Variants in KCNK2 observed in about 807,000 individuals in gnomAD.
KCNK2 encodes potassium channel subfamily K member 2.
In KCNK2, 21 loss-of-function variants were observed where a neutral mutation model predicts 40.5. The ratio of observed to expected loss-of-function variants is 0.52; its 90% confidence interval spans 0.37 to 0.75. The LOEUF (loss-of-function observed/expected upper bound fraction) is 0.75. Ranked by LOEUF, KCNK2 falls within the 30% of genes least tolerant of loss-of-function variation. The probability of loss-of-function intolerance (pLI) is 0.00; values close to 1 mark genes in which losing one functional copy is unlikely to be tolerated. For synonymous variants in KCNK2, 191 were observed against 202.2 expected (o/e 0.94, Z 0.47); for missense variants, 399 against 531.6 (o/e 0.75, Z 2.45).
intron 1 of KCNK2, 152 bp downstream of exon 1, chr1:215,083,583 G>A: frequency 6.1e-6 from 4 of 652,752 alleles, no homozygotes; most frequent in Admixed American, 2.3e-5. Context: ...TCTGGATTTG[G>A]AGGCAAACCC....
intron 6 of KCNK2, among the ~76,000 whole-genome samples, chr1:215,228,453 T>C (rs4387152): frequency 0.98 from 148,753 of 152,278 alleles, 72,755 homozygotes; most frequent in East Asian, 1. Context: ...CATTTCCTTC[T>C]TTTTCTTCTG....
chr1:215,093,719 TA>T (rs1406101656), intron 2 of KCNK2, among the ~76,000 whole-genome samples: 14 of 90,390 alleles, frequency 1.5e-4, no homozygotes, highest in Admixed American at 7.5e-4. Context: ...ATATATTATA[TA>T]AAAATATATA....
chr1:215,197,351 T>G (rs975507590), intron 6 of KCNK2, among the ~76,000 whole-genome samples: 2 of 152,130 alleles, frequency 1.3e-5, no homozygotes, highest in African/African-American at 2.4e-5. Context: ...TCCAAGAAGG[T>G]GCTAGCAGGG....
At position 215,083,204 on chromosome 1, in the gene KCNK2, G is replaced by A; in HGVS notation, c.-182G>A. ...CGTTTCTTCTCACGCTCCCCCCCCCGCCCCCTCCCGCGTCCAGCCCCGCTC... is the reference window on the plus strand; with the variant it reads ...CGTTTCTTCTCACGCTCCCCCCCCCACCCCCTCCCGCGTCCAGCCCCGCTC... On this transcript the variant is annotated 5_prime_UTR_variant, in exon 1 of 7. Coordinates refer to ENST00000444842, the MANE Select transcript of KCNK2 (RefSeq NM_001017425.3). 14 of 273,540 alleles carry A rather than the reference G, an allele frequency of 5.1e-5. No homozygotes were observed. The highest frequency in any genetic ancestry group is 8.6e-5 in the South Asian group (2 of 23,220). 16.9% of individuals were successfully genotyped at this position (273,540 alleles called of 1,614,324 possible). A position where few individuals can be genotyped will look rare whatever the true frequency, so the allele number is the denominator to read the frequency against.
At chr1:215,201,180 G>T (rs1665066497) in intron 6 of KCNK2, among the ~76,000 whole-genome samples, 1 of 152,184 alleles carries the variant, frequency 6.6e-6, no homozygotes, top group Non-Finnish European at 1.5e-5. Context: ...GGTTGGGTCT[G>T]TTGGAAAGGC....
At chr1:215,138,246 C>G (rs763311379) in intron 3 of KCNK2, among the ~76,000 whole-genome samples, 5 of 152,058 alleles carry the variant, frequency 3.3e-5, no homozygotes, top group Non-Finnish European at 7.4e-5. Flanking sequence ...GTTATAGTGT[C>G]AGATATTTTC....
rs538559125 is a variant in KCNK2 at position 215,057,269 on chromosome 1, TA to T, written c.35-29098del. Among the ~76,000 whole-genome samples the T allele has an allele frequency of 1.0e-3, 155 of 151,944 alleles. 1 individual carries two copies. The highest frequency in any genetic ancestry group is 3.7e-3 in the African/African-American group (153 of 41,460). ...GCATAAAAGAGTTATAGGATAATCATATTTTTTTAAAAAAGATGCAAAATGA... is the reference window on the plus strand; with the variant it reads ...GCATAAAAGAGTTATAGGATAATCATTTTTTTTAAAAAAGATGCAAAATGA... On this transcript the variant is annotated intron_variant, in intron 1 of 6. Transcript: ENST00000391895.
chr1:215,110,064 A>C (rs1382479717), intron 2 of KCNK2, among the ~76,000 whole-genome samples: 1 of 151,244 alleles, frequency 6.6e-6, no homozygotes, highest in Non-Finnish European at 1.5e-5. Flanking sequence ...TTTTAATGGG[A>C]TTATTTAGTG....
intron 6 of KCNK2, among the ~76,000 whole-genome samples, chr1:215,231,691 T>A (rs1384222929): frequency 2.0e-5 from 3 of 151,978 alleles, no homozygotes; most frequent in African/African-American, 7.2e-5. Flanking sequence ...GTCTGCAAAA[T>A]CAGAAAATAT....
chr1:215,008,616 CTTT>C lies in KCNK2; in HGVS notation c.34+2664_34+2666del, dbSNP rs548668920. The stretch of plus-strand genomic sequence containing the variant: ...GATTAAATGAGATAATTAATGTCAA[CTTT>C]TTGGTAGATAGTAAGCATGCGATAA... On this transcript the variant is annotated intron_variant, in intron 1 of 6. Transcript: ENST00000391895. 2.3e-3 allele frequency among the ~76,000 whole-genome samples: 350 copies of C among 152,230 alleles called. 1 individual carries two copies. The highest frequency in any genetic ancestry group is 8.2e-3 in the African/African-American group (342 of 41,542).
intron 1 of KCNK2, among the ~76,000 whole-genome samples, chr1:215,056,774 G>C (rs570944184): frequency 1.3e-5 from 2 of 151,998 alleles, no homozygotes; most frequent in South Asian, 4.2e-4. Flanking sequence ...TATTTTCGAG[G>C]CAGGATGTAC....
intron 5 of KCNK2, among the ~76,000 whole-genome samples, chr1:215,186,331 C>T (rs1664438541): frequency 6.6e-6 from 1 of 151,824 alleles, no homozygotes; most frequent in Admixed American, 6.6e-5. Flanking sequence ...GGAGGTCTTG[C>T]TGCGGTGGGC....
At chr1:215,086,757 G>A in intron 2 of KCNK2, 79 bp downstream of exon 2, 2 of 1,309,410 alleles carry the variant, frequency 1.5e-6, no homozygotes, top group South Asian at 1.3e-5. Flanking sequence ...TTGTAGCCCA[G>A]TGTATTACAG....
intron 1 of KCNK2, among the ~76,000 whole-genome samples, chr1:215,064,925 A>G (rs940070009): frequency 6.6e-6 from 1 of 152,102 alleles, no homozygotes; most frequent in African/African-American, 2.4e-5. Flanking sequence ...GTGGGATGTC[A>G]CAGTATTGTG....
chr1:215,215,350 G>T (rs1430394293), intron 6 of KCNK2, among the ~76,000 whole-genome samples: 1 of 151,870 alleles, frequency 6.6e-6, no homozygotes. Context: ...TGTAATACAG[G>T]CTTCATAAAA....
chr1:215,062,945 T>C (rs1238835706), intron 1 of KCNK2, among the ~76,000 whole-genome samples: 4 of 151,938 alleles, frequency 2.6e-5, no homozygotes, highest in Non-Finnish European at 5.9e-5. Flanking sequence ...GGACATACAA[T>C]ACAATGGGAT....
chr1:215,028,102 T>C lies in KCNK2; in HGVS notation c.34+22147T>C, dbSNP rs542687905. On this transcript the variant is annotated intron_variant, in intron 1 of 6. Transcript: ENST00000391895. ...TAATTTAATGTTCTTTAAAAATAGC[T>C]TGGGCTGGGCACCGTGGCTCCCGCC... is the stretch of plus-strand genomic sequence containing the variant. Among the ~76,000 whole-genome samples, 18 of 152,276 alleles carry C rather than the reference T, an allele frequency of 1.2e-4. No homozygotes were observed. The East Asian group carries it at 2.1e-3, about 18-fold the overall frequency.
chr1:215,051,329 G>A (rs191560900), intron 1 of KCNK2, among the ~76,000 whole-genome samples: 69 of 152,286 alleles, frequency 4.5e-4, no homozygotes, highest in Non-Finnish European at 9.6e-4. Flanking sequence ...ACTCATATTA[G>A]CAGGAACAAG....
Position 215,172,032 on chromosome 1 carries a change from C to A in KCNK2, c.672C>A (p.Ile224=). Residue 224 remains isoleucine, a synonymous_variant, in exon 5 of 7, where the codon ATC becomes ATA. Coordinates refer to ENST00000444842, the MANE Select transcript of KCNK2 (RefSeq NM_001017425.3). ...TTAGTCAGACCAAGATTCGCATCATCTCAACAATCATATTTATACTATTTG... is the reference window on the plus strand; with the variant it reads ...TTAGTCAGACCAAGATTCGCATCATATCAACAATCATATTTATACTATTTG... The part of the protein sequence containing the change: ...WNVSQTKIRI[I]STIIFILFGC... The A allele has an allele frequency of 6.2e-7, 1 of 1,613,144 alleles. No homozygotes were observed. The highest frequency in any genetic ancestry group is 1.1e-5 in the South Asian group (1 of 91,024).
Sources: allele counts gnomAD v4.1 joint callset (sites outside exome capture counted in the v4.1 genomes callset), GRCh38; gene constraint gnomAD v4.1.1; transcripts MANE v1.5; gene names NCBI Gene and HGNC (gene_info 2026-07-23, HGNC 2026-07-21).